Variants in EYS observed in about 807,000 individuals in gnomAD.
EYS encodes EGF-like photoreceptor maintenance factor.
A neutral mutation model predicts 282.1 loss-of-function variants in EYS; 250 were observed. That is an observed-to-expected ratio of 0.89 (90% CI 0.80 to 0.98). The LOEUF (loss-of-function observed/expected upper bound fraction) is 0.98. Among genes scored for constraint, EYS ranks in the 50% least tolerant of loss-of-function variants. The pLI is 0.00. For missense variants in EYS, 4,016 were observed against 3,709.0 expected (o/e 1.08, Z -2.15); for synonymous variants, 1,355 against 1,282.9 (o/e 1.06, Z -1.20).
At chr6:64,824,294 C>T (rs1764984150) in intron 19 of EYS, among the ~76,000 whole-genome samples, 1 of 151,848 alleles carries the variant, frequency 6.6e-6, no homozygotes, top group African/African-American at 2.4e-5. Flanking sequence ...ATGTTTCTCC[C>T]ACAGGAAAGG....
At chr6:65,405,706 C>A (rs771389118) in intron 5 of EYS, among the ~76,000 whole-genome samples, 1 of 151,904 alleles carries the variant, frequency 6.6e-6, no homozygotes, top group African/African-American at 2.4e-5. Context: ...TGGTCTTTTG[C>A]GACTGGCTTC....
chr6:64,485,667 A>G (rs1486559409), intron 26 of EYS, among the ~76,000 whole-genome samples: 2 of 151,506 alleles, frequency 1.3e-5, no homozygotes, highest in Admixed American at 6.6e-5. Context: ...CAATGATTAT[A>G]GAAGATTAGT....
chr6:65,335,200 A>G, intron 10 of EYS, 54 bp from the exon 11 acceptor site: 2 of 1,243,412 alleles, frequency 1.6e-6, no homozygotes, highest in Middle Eastern at 1.9e-4. Flanking sequence ...TTACTACAAT[A>G]TTACAATTGT....
chr6:64,437,845 A>G (rs1490891984), intron 27 of EYS, among the ~76,000 whole-genome samples: 4 of 151,474 alleles, frequency 2.6e-5, no homozygotes, highest in Non-Finnish European at 5.9e-5. Context: ...AAAGAAAGTC[A>G]AACTAAGGGA....
At chr6:65,443,756 G>T (rs559615574) in intron 5 of EYS, among the ~76,000 whole-genome samples, 1 of 88,306 alleles carries the variant, frequency 1.1e-5, no homozygotes, top group African/African-American at 3.7e-5. Flanking sequence ...ATACACATAC[G>T]TGCATATACA....
intron 34 of EYS, among the ~76,000 whole-genome samples, chr6:63,990,177 T>A (rs1562136166): frequency 6.6e-6 from 1 of 151,620 alleles, no homozygotes; most frequent in Non-Finnish European, 1.5e-5. Context: ...AATAAAAAAA[T>A]TTGTTGCAAA....
At chr6:64,989,827 C>T (rs1355711548) in intron 14 of EYS, among the ~76,000 whole-genome samples, 1 of 148,124 alleles carries the variant, frequency 6.8e-6, no homozygotes, top group Non-Finnish European at 1.5e-5. Context: ...CACACACACA[C>T]ACACACTCAC....
chr6:64,060,289 C>T (rs1041954554), intron 33 of EYS, among the ~76,000 whole-genome samples: 4 of 151,946 alleles, frequency 2.6e-5, no homozygotes, highest in African/African-American at 9.7e-5. Context: ...TATGGATATT[C>T]TTTTTTCTTA....
chr6:64,815,038 G>A (rs1764707877), intron 21 of EYS, among the ~76,000 whole-genome samples: 1 of 151,954 alleles, frequency 6.6e-6, no homozygotes, highest in South Asian at 2.1e-4. Flanking sequence ...ATTAGATGAT[G>A]TTAAAAATCA....
At chr6:64,080,811 G>A (rs1387916642) in intron 32 of EYS, among the ~76,000 whole-genome samples, 1 of 151,874 alleles carries the variant, frequency 6.6e-6, no homozygotes, top group African/African-American at 2.4e-5. Flanking sequence ...TATTAAATAG[G>A]GAATCCTTTC....
At position 65,044,919 on chromosome 6, in the gene EYS, C is replaced by T. The variant is rs112808201; in HGVS notation, c.2137+12695G>A. On this transcript the variant is annotated intron_variant, in intron 13 of 42. Transcript: ENST00000503581. Reference sequence around the variant, plus strand: ...CTTCTACACTTAAAATTGCAGCTTTCTCCTATTGTTTTCACTGCCCATACA... The same window carrying T: ...CTTCTACACTTAAAATTGCAGCTTTTTCCTATTGTTTTCACTGCCCATACA... Among the ~76,000 whole-genome samples the T allele has an allele frequency of 6.6e-4, 100 of 151,970 alleles. 2 individuals carry two copies. The Middle Eastern group carries it at 0.01, about 16-fold the overall frequency.
chr6:65,238,424 C>T (rs1339399419), intron 12 of EYS, among the ~76,000 whole-genome samples: 1 of 151,684 alleles, frequency 6.6e-6, no homozygotes, highest in African/African-American at 2.4e-5. Context: ...TCATTTTGAT[C>T]TCTGAAGCGC....
intron 26 of EYS, among the ~76,000 whole-genome samples, chr6:64,584,122 A>G (rs1766155744): frequency 6.6e-6 from 1 of 152,066 alleles, no homozygotes; most frequent in Non-Finnish European, 1.5e-5. Context: ...TATTCTTAAT[A>G]TCTCAATAAA....
chr6:64,912,801 G>A (rs1180249722), intron 15 of EYS, 58 bp from the exon 16 acceptor site: 2 of 1,171,570 alleles, frequency 1.7e-6, no homozygotes, highest in Non-Finnish European at 2.3e-6. Context: ...TTTATTTTTT[G>A]TATTTTTAAT....
intron 26 of EYS, among the ~76,000 whole-genome samples, chr6:64,523,715 G>T (rs991746500): frequency 9.9e-5 from 15 of 151,570 alleles, no homozygotes; most frequent in East Asian, 9.7e-4. Flanking sequence ...ATGAAGAGAT[G>T]ATTTGAATAG....
At chr6:64,453,606 C>A (rs899645110) in intron 26 of EYS, among the ~76,000 whole-genome samples, 2 of 152,106 alleles carry the variant, frequency 1.3e-5, no homozygotes, top group Admixed American at 6.6e-5. Flanking sequence ...TGGAACCAAC[C>A]CAAATGTCCA....
intron 22 of EYS, among the ~76,000 whole-genome samples, chr6:64,811,094 A>G (rs980141535): frequency 1.2e-4 from 18 of 152,176 alleles, no homozygotes; most frequent in African/African-American, 4.1e-4. Context: ...TTGACTTGAA[A>G]AGCACTACCT....
intron 13 of EYS, among the ~76,000 whole-genome samples, chr6:65,045,614 G>A (rs979993362): frequency 2.0e-5 from 3 of 151,816 alleles, no homozygotes; most frequent in Non-Finnish European, 4.4e-5. Context: ...CCACATATGA[G>A]GAAGTGAGCT....
chr6:63,824,739 G>A (rs1403766294), intron 36 of EYS, among the ~76,000 whole-genome samples: 1 of 152,162 alleles, frequency 6.6e-6, no homozygotes, highest in Non-Finnish European at 1.5e-5. Flanking sequence ...AGAGGAAGCA[G>A]CAGAAAGGCC....
Sources: gnomAD v4.1 joint callset for allele counts (sites outside exome capture counted in the v4.1 genomes callset) on GRCh38, gnomAD v4.1.1 for gene constraint, MANE v1.5 for transcripts, NCBI Gene and HGNC (gene_info 2026-07-23, HGNC 2026-07-21) for gene names.